FN1: variants seen among roughly 807,000 people sequenced by gnomAD.
FN1 encodes the protein fibronectin.
Under a neutral mutation model 297.3 loss-of-function variants are expected in FN1, and 106 were observed. The observed-to-expected ratio is 0.36, with a 90% CI of 0.30 to 0.42. FN1 has a LOEUF of 0.42. Among genes scored for constraint, FN1 ranks in the 10% least tolerant of loss-of-function variants. The pLI is 1.00. For synonymous variants in FN1, 1,149 were observed against 1,152.6 expected, an observed-to-expected ratio of 1.00 and a Z score of 0.06; for missense variants, 2,690 against 3,124.9, an observed-to-expected ratio of 0.86 and a Z score of 3.32.
chr2:215,419,288 G>A lies in FN1; in HGVS notation c.1773C>T (p.Gly591=). The change falls in exon 12 of 46, where the codon GGC becomes GGT. Residue 591 remains glycine (G), a synonymous_variant. Transcript: ENST00000354785. The part of the protein sequence containing the change: ...HGVRYQCYCY[G]RGIGEWHCQP... ...GGCAATGCCACTCCCCAATGCCACG[G>A]CCATAGCAGTAGCACTGGTATCTGA... is the stretch of plus-strand genomic sequence containing the variant. 1 of 1,613,630 alleles carries A rather than the reference G, an allele frequency of 6.2e-7. No individual in the cohort carries two copies. Among genetic ancestry groups the A allele is most frequent in the Non-Finnish European group, 8.5e-7 (1 of 1,179,602 alleles).
Position 215,384,073 on chromosome 2 carries a change from C to T in FN1, c.4841G>A (p.Gly1614Asp), listed in dbSNP as rs752790369. The T allele has an allele frequency of 6.2e-7, 1 of 1,614,074 alleles. No individual in the cohort carries two copies. Among genetic ancestry groups the T allele is most frequent in the Non-Finnish European group, 8.5e-7 (1 of 1,180,008 alleles). ...GCTGCTTGCGGGGCTGTCTCCACGG[C>T]CAGTGACAGCATACACAGTGATGGT... ...DYTITVYAVTGRGDSPASSKP... is the reference protein window; with the variant it reads ...DYTITVYAVTDRGDSPASSKP... The change falls in exon 30 of 46, where the codon GGC (glycine) becomes GAC (aspartate). Residue 1614 changes from glycine to aspartate, a missense_variant. Coordinates refer to ENST00000354785, the MANE Select transcript of FN1 (RefSeq NM_212482.4).
intron 13 of FN1, among the ~76,000 whole-genome samples, chr2:215,411,889 G>C (rs1295392762): frequency 1.3e-5 from 2 of 152,002 alleles, no homozygotes; most frequent in Non-Finnish European, 2.9e-5. Context: ...GGATGCTCTC[G>C]ATCTCTTGAC....
At chr2:215,401,163 GAA>G (rs1328925757) in intron 20 of FN1, among the ~76,000 whole-genome samples, 3 of 140,694 alleles carry the variant, frequency 2.1e-5, no homozygotes, top group African/African-American at 8.0e-5. Context: ...AAATAAGAAA[GAA>G]AGAAAGAGAG....
chr2:215,404,726 T>TA, intron 19 of FN1, 71 bp from the exon 20 acceptor site: 1 of 1,382,704 alleles, frequency 7.2e-7, no homozygotes, highest in Non-Finnish European at 1.0e-6. Context: ...TCCTGAAACT[T>TA]GATTGAATGT....
Position 215,361,525 on chromosome 2 carries a change from A to T in FN1, c.*30T>A. ...TTTAGATGGATCTTGGCAGAGAGAC[A>T]TGCTTGTTCCTCTGGATTGGAAAGA... On this transcript the variant is annotated 3_prime_UTR_variant, in exon 46 of 46. Transcript: ENST00000354785. 2.0e-6 allele frequency: 3 copies of T among 1,478,672 alleles called. No homozygotes were observed. Among genetic ancestry groups the T allele is most frequent in the Non-Finnish European group, 2.8e-6 (3 of 1,056,218 alleles). 91.6% of individuals were successfully genotyped at this position (1,478,672 alleles called of 1,614,324 possible).
At chr2:215,392,441 C>T (rs2059810799) in intron 25 of FN1, 1 of 188,880 alleles carries the variant, frequency 5.3e-6, no homozygotes, top group Non-Finnish European at 1.1e-5. Context: ...TTACTTTTCT[C>T]CTACCTCAAA....
chr2:215,365,966 ATTTTTT>A (rs559516647), intron 42 of FN1, among the ~76,000 whole-genome samples: 35 of 90,336 alleles, frequency 3.9e-4, no homozygotes, highest in Non-Finnish European at 5.3e-4. Context: ...CCACAGTGCT[ATTTTTT>A]TTTTTTTTTT....
At chr2:215,429,465 T>C (rs962613957) in intron 5 of FN1, among the ~76,000 whole-genome samples, 5 of 152,198 alleles carry the variant, frequency 3.3e-5, no homozygotes, top group Non-Finnish European at 4.4e-5. Context: ...TTGCAACTCC[T>C]GGGTTAGAGA....
chr2:215,385,728 C>G (rs1235430788), intron 28 of FN1, among the ~76,000 whole-genome samples: 1 of 151,736 alleles, frequency 6.6e-6, no homozygotes, highest in Non-Finnish European at 1.5e-5. Flanking sequence ...ACACTATTAC[C>G]CTAAAATTAT....
chr2:215,374,706 C>T (rs2056930271), intron 38 of FN1, among the ~76,000 whole-genome samples: 2 of 152,184 alleles, frequency 1.3e-5, no homozygotes, highest in South Asian at 2.1e-4. Flanking sequence ...ATACTAGAGG[C>T]TTATAGTCTT....
chr2:215,365,302 CT>C lies in FN1; in HGVS notation c.7144+202del, dbSNP rs112600151. On this transcript the variant is annotated intron_variant, in intron 43 of 45. Transcript: ENST00000354785. ...TCAAAATACTCAGGTTGGACAAGTG[CT>C]AAAGTGTCCTGTAATAACATTAAAT... 5.1e-3 allele frequency among the ~76,000 whole-genome samples: 776 copies of C among 152,286 alleles called. 6 individuals are homozygous for C. Among genetic ancestry groups the C allele is most frequent in the African/African-American group, 0.018 (739 of 41,560 alleles).
chr2:215,364,002 C>A (rs1459580917), intron 44 of FN1, among the ~76,000 whole-genome samples: 1 of 152,210 alleles, frequency 6.6e-6, no homozygotes, highest in Non-Finnish European at 1.5e-5. Context: ...GGGTGTGTCT[C>A]TCTGCTTTCT....
intron 5 of FN1, among the ~76,000 whole-genome samples, 157 bp from the exon 6 acceptor site, chr2:215,428,495 T>C (rs1362639496): frequency 2.6e-5 from 4 of 152,260 alleles, no homozygotes; most frequent in African/African-American, 7.2e-5. Flanking sequence ...TTCTGAAAGA[T>C]GAAATTACAT....
Position 215,425,239 on chromosome 2 carries a change from C to T in FN1, c.891G>A (p.Gln297=). ...CATAGGGAGGAGGCTGGGGGTGAGG[C>T]TGCGGTTGGTAAACAGCTGCACGAA... is the stretch of plus-strand genomic sequence containing the variant. ...TDVRAAVYQP[Q]PHPQPPPYGH... is the part of the protein sequence containing the mutation. Residue 297 remains glutamine (Q), a synonymous_variant, in exon 7 of 46, where the codon CAG becomes CAA. Coordinates refer to ENST00000354785, the MANE Select transcript of FN1 (RefSeq NM_212482.4). 6.2e-7 allele frequency: 1 copy of T among 1,614,152 alleles called. No individual in the cohort carries two copies. Among genetic ancestry groups the T allele is most frequent in the Non-Finnish European group, 8.5e-7 (1 of 1,180,022 alleles).
intron 26 of FN1, among the ~76,000 whole-genome samples, chr2:215,390,734 T>TA (rs1197498485): frequency 6.6e-6 from 1 of 152,148 alleles, no homozygotes; most frequent in Non-Finnish European, 1.5e-5. Flanking sequence ...AATATAAAGA[T>TA]ATTCTTGCCC....
rs767161913 is a variant in FN1 at position 215,430,865 on chromosome 2, T to A, written c.548-13A>T. 7 of 1,613,724 alleles carry A rather than the reference T, an allele frequency of 4.3e-6. No individual in the cohort carries two copies. Among genetic ancestry groups the A allele is most frequent in the Non-Finnish European group, 5.9e-6 (7 of 1,179,784 alleles). The stretch of plus-strand genomic sequence containing the variant: ...AAACACTTCTCAGCTGTAGGGAAAT[T>A]TGGAAGAAAAACAGGAAAAAAAGGT... On this transcript the variant is annotated splice_polypyrimidine_tract_variant and intron_variant, in intron 4 of 45. Transcript: ENST00000354785.
intron 44 of FN1, 93 bp downstream of exon 44, chr2:215,364,786 G>T: frequency 1.2e-6 from 1 of 821,418 alleles, no homozygotes; most frequent in South Asian, 1.4e-5. Flanking sequence ...CTTCCGAAGG[G>T]TCTCTGCCCC....
intron 39 of FN1, 188 bp from the exon 40 acceptor site, chr2:215,372,563 TTTC>T: frequency 3.2e-6 from 2 of 634,880 alleles, no homozygotes; most frequent in Non-Finnish European, 5.6e-6. Flanking sequence ...TTCTCAAAGG[TTTC>T]TTTATAGTTT....
At chr2:215,411,531 A>G (rs1448672357) in intron 13 of FN1, among the ~76,000 whole-genome samples, 1 of 152,202 alleles carries the variant, frequency 6.6e-6, no homozygotes, top group Non-Finnish European at 1.5e-5. Context: ...TTGTTTGGTT[A>G]GTTATTACAA....
Sources: allele counts gnomAD v4.1 joint callset (sites outside exome capture counted in the v4.1 genomes callset), GRCh38; gene constraint gnomAD v4.1.1; transcripts MANE v1.5; gene names NCBI Gene and HGNC (gene_info 2026-07-23, HGNC 2026-07-21).